Variants in HHLA2 observed in about 807,000 individuals in gnomAD.
The protein encoded by HHLA2 is HHLA2 member of B7 family.
Under a neutral mutation model 45.9 loss-of-function variants are expected in HHLA2, and 48 were observed. The ratio of observed to expected loss-of-function variants is 1.05; its 90% CI spans 0.83 to 1.33. The LOEUF is 1.33. Ranked by LOEUF, HHLA2 falls within the 40% of genes most tolerant of loss-of-function variation. HHLA2 has a pLI of 0.00. For missense variants in HHLA2, 462 were observed against 494.3 expected, an observed-to-expected ratio of 0.93 and a Z score of 0.62; for synonymous variants, 161 against 173.9, an observed-to-expected ratio of 0.93 and a Z score of 0.59.
Position 108,368,535 on chromosome 3 carries a change from C to CAAAAAAAAAAAAAAAAAA in HHLA2, c.1108+6107_1108+6124dup, listed in dbSNP as rs55718572. Among the ~76,000 whole-genome samples, 6 of 6,620 alleles carry CAAAAAAAAAAAAAAAAAA rather than the reference C, an allele frequency of 9.1e-4. 2 individuals are homozygous for CAAAAAAAAAAAAAAAAAA. The highest frequency in any genetic ancestry group is 9.9e-4 in the Non-Finnish European group (4 of 4,024). 4.3% of individuals were successfully genotyped at this position (6,620 alleles called of 152,430 possible). On this transcript the variant is annotated intron_variant, in intron 8 of 10. Transcript: ENST00000619531. ...GAATATTTACCAAGCAAACGAAGAG[C>CAAAAAAAAAAAAAAAAAA]AAAAAAAAAAAAAAAAAAAAAAAAA...
intron 8 of HHLA2, among the ~76,000 whole-genome samples, chr3:108,372,997 G>C (rs1449881576): frequency 6.6e-6 from 1 of 152,210 alleles, no homozygotes; most frequent in Admixed American, 6.5e-5. Context: ...GCATCATCCT[G>C]ATAGCAAAGC....
intron 3 of HHLA2, among the ~76,000 whole-genome samples, chr3:108,346,363 T>A (rs1490963183): frequency 6.6e-6 from 1 of 152,214 alleles, no homozygotes; most frequent in Non-Finnish European, 1.5e-5. Context: ...TCTAAGTGGA[T>A]GCTAAGGAAC....
At chr3:108,309,699 T>A (rs1377973952) in intron 1 of HHLA2, among the ~76,000 whole-genome samples, 1 of 152,122 alleles carries the variant, frequency 6.6e-6, no homozygotes, top group African/African-American at 2.4e-5. Flanking sequence ...TAGGGATACA[T>A]AATAGCAACA....
intron 3 of HHLA2, among the ~76,000 whole-genome samples, chr3:108,330,917 T>A (rs1033905458): frequency 1.8e-4 from 28 of 152,160 alleles, no homozygotes; most frequent in African/African-American, 5.8e-4. Context: ...TTGTGAAAGA[T>A]AAGGGTTAGG....
intron 7 of HHLA2, among the ~76,000 whole-genome samples, chr3:108,360,539 T>G (rs570211966): frequency 6.6e-6 from 1 of 152,266 alleles, no homozygotes; most frequent in Non-Finnish European, 1.5e-5. Flanking sequence ...AAAATAAGGG[T>G]TACTTGAACA....
At chr3:108,322,029 T>A (rs1050170179) in intron 2 of HHLA2, among the ~76,000 whole-genome samples, 12 of 152,346 alleles carry the variant, frequency 7.9e-5, no homozygotes, top group Non-Finnish European at 1.2e-4. Context: ...TCACCCTCGC[T>A]TGCTTGCATA....
At chr3:108,304,283 G>T in intron 1 of HHLA2, among the ~76,000 whole-genome samples, 1 of 152,156 alleles carries the variant, frequency 6.6e-6, no homozygotes, top group African/African-American at 2.4e-5. Flanking sequence ...CACAAATATG[G>T]TGGCTTAAAT....
At chr3:108,317,602 T>C (rs567832601) in intron 2 of HHLA2, among the ~76,000 whole-genome samples, 11 of 144,634 alleles carry the variant, frequency 7.6e-5, no homozygotes, top group African/African-American at 2.8e-4. Context: ...TGAGATGGAG[T>C]CTCACTCTGT....
intron 3 of HHLA2, among the ~76,000 whole-genome samples, chr3:108,334,040 AT>A (rs1282489507): frequency 6.6e-6 from 1 of 152,188 alleles, no homozygotes; most frequent in Non-Finnish European, 1.5e-5. Flanking sequence ...TAAAATGCAC[AT>A]TACTGTTCTT....
chr3:108,321,056 C>T (rs939816820), intron 2 of HHLA2, among the ~76,000 whole-genome samples: 10 of 145,086 alleles, frequency 6.9e-5, no homozygotes, highest in South Asian at 2.2e-4. Flanking sequence ...GATTCGTATC[C>T]GGGCCAGTCT....
chr3:108,307,853 C>A (rs2080955898), intron 1 of HHLA2, among the ~76,000 whole-genome samples: 1 of 150,856 alleles, frequency 6.6e-6, no homozygotes, highest in East Asian at 1.9e-4. Context: ...GTAATTAGGT[C>A]TTTTTTTTTA....
intron 8 of HHLA2, among the ~76,000 whole-genome samples, chr3:108,370,057 C>T (rs556025641): frequency 1.4e-4 from 21 of 152,190 alleles, no homozygotes. Flanking sequence ...CTGGGGGGAA[C>T]CCCCAGTAGG....
intron 3 of HHLA2, among the ~76,000 whole-genome samples, chr3:108,347,931 T>C (rs983730854): frequency 2.0e-5 from 3 of 152,052 alleles, no homozygotes; most frequent in Non-Finnish European, 2.9e-5. Flanking sequence ...TTTCTGCTGT[T>C]TTGTTGTGTT....
At chr3:108,362,095 T>C (rs1044834206) in intron 7 of HHLA2, among the ~76,000 whole-genome samples, 5 of 152,204 alleles carry the variant, frequency 3.3e-5, no homozygotes, top group Non-Finnish European at 5.9e-5. Context: ...CCACAATAGA[T>C]ACACTGAGAC....
exon 7 of HHLA2, chr3:108,357,850 T>A (rs1247101525): frequency 1.2e-6 from 2 of 1,602,946 alleles, no homozygotes; most frequent in Admixed American, 3.4e-5. Flanking sequence ...TTAGATGGCC[T>A]TCATAAAATG....
At chr3:108,326,961 T>C (rs1256489145) in intron 2 of HHLA2, 1 of 152,222 alleles carries the variant, frequency 6.6e-6, no homozygotes, top group Non-Finnish European at 1.5e-5. Flanking sequence ...ATTTTCCTTC[T>C]GCCTGAAAAA....
chr3:108,343,286 G>A (rs150945080), intron 3 of HHLA2, among the ~76,000 whole-genome samples: 24 of 152,270 alleles, frequency 1.6e-4, no homozygotes, highest in Admixed American at 6.5e-4. Context: ...ACAAACCAAA[G>A]TTATTTGGAA....
At chr3:108,324,758 G>A (rs555760693) in intron 2 of HHLA2, among the ~76,000 whole-genome samples, 1 of 152,034 alleles carries the variant, frequency 6.6e-6, no homozygotes, top group Non-Finnish European at 1.5e-5. Flanking sequence ...GACTTACTCC[G>A]TGCTTTCTAT....
At chr3:108,354,164 T>A (rs1218877782) in intron 5 of HHLA2, among the ~76,000 whole-genome samples, 1 of 152,116 alleles carries the variant, frequency 6.6e-6, no homozygotes, top group Non-Finnish European at 1.5e-5. Flanking sequence ...ACTGAAAAAA[T>A]ATTGAATTGC....
Sources: allele counts gnomAD v4.1 joint callset (sites outside exome capture counted in the v4.1 genomes callset), GRCh38; gene constraint gnomAD v4.1.1; transcripts MANE v1.5; gene names NCBI Gene and HGNC (gene_info 2026-07-23, HGNC 2026-07-21).